SFMBT1: variants seen among roughly 807,000 people sequenced by gnomAD.
SFMBT1 encodes Scm like with four mbt domains 1.
In SFMBT1, 32 loss-of-function variants were observed where a neutral mutation model predicts 108.7. The observed-to-expected ratio is 0.29, with a 90% CI of 0.22 to 0.40. The LOEUF (loss-of-function observed/expected upper bound fraction) is 0.40, where lower values mean the gene tolerates loss of function less well. SFMBT1 is among the 10% of genes least tolerant of loss of function. The pLI is 1.00. For synonymous variants in SFMBT1, 348 were observed against 369.5 expected (o/e 0.94, Z 0.67); for missense variants, 816 against 1,059.6 (o/e 0.77, Z 3.19).
rs764001505 is a variant in SFMBT1, at chr3:52,907,718, T to C, written c.1922A>G (p.Lys641Arg). 6 of 1,610,248 alleles carry C rather than the reference T, an allele frequency of 3.7e-6. No homozygotes were observed. Among genetic ancestry groups the C allele is most frequent in the Non-Finnish European group, 3.4e-6 (4 of 1,179,078 alleles). ...CCTCCCAATTCTTTTATTTTTCTTC[T>C]TTCCGTAATAGTGTGCTAAATGTGG... ...TKTKYTHYYG[K>R]KKNKRIGRPP... is the part of the protein sequence containing the mutation. The change falls in exon 18 of 21, where the codon AAG becomes AGG. Residue 641 changes from lysine to arginine, a missense_variant. Transcript: ENST00000394752.
At chr3:52,964,552 C>T (rs1575406389) in intron 2 of SFMBT1, among the ~76,000 whole-genome samples, 1 of 152,196 alleles carries the variant, frequency 6.6e-6, no homozygotes, top group Non-Finnish European at 1.5e-5. Flanking sequence ...TATTTTCTAG[C>T]TATGTCTGTA....
chr3:53,024,521 G>A (rs1699419911), intron 1 of SFMBT1, among the ~76,000 whole-genome samples: 1 of 150,818 alleles, frequency 6.6e-6, no homozygotes, highest in African/African-American at 2.5e-5. Context: ...AGTAAATTCT[G>A]AGCAGAGTAA....
chr3:52,967,270 G>A (rs183212621), intron 2 of SFMBT1, among the ~76,000 whole-genome samples: 212 of 152,196 alleles, frequency 1.4e-3, no homozygotes, highest in Admixed American at 4.8e-3. Context: ...AGTGTATGCT[G>A]TGTCAAGAAC....
rs138570831 is a variant in SFMBT1 at position 52,918,547 on chromosome 3, A to G, written c.1373-21T>C. On this transcript the variant is annotated intron_variant, in intron 12 of 20. Coordinates refer to ENST00000394752, the MANE Select transcript of SFMBT1 (RefSeq NM_016329.4). ...ATATACTGTAGAAAGAAAAAAATAT[A>G]TAAATGCCAAGAAAAATAAAAAGAC... The G allele has an allele frequency of 5.9e-4, 861 of 1,465,652 alleles. 1 individual carries two copies. The African/African-American group carries it at 0.011, about 18-fold the overall frequency. 90.8% of individuals were successfully genotyped at this position (1,465,652 alleles called of 1,614,324 possible).
rs535725147 is a variant in SFMBT1, at chr3:52,979,926, T to C, written c.-130-10668A>G. 7.9e-5 allele frequency among the ~76,000 whole-genome samples: 12 copies of C among 152,304 alleles called. No individual in the cohort carries two copies. The East Asian group carries it at 1.4e-3, about 17-fold the overall frequency. On this transcript the variant is annotated intron_variant, in intron 1 of 20. Transcript: ENST00000394752. ...TTGAACAACATGGGCATTAACTACA[T>C]GGGTCCACTTACAGATTTTTAAAAA...
intron 1 of SFMBT1, among the ~76,000 whole-genome samples, chr3:53,029,388 G>A (rs1236669478): frequency 6.6e-6 from 1 of 152,116 alleles, no homozygotes; most frequent in Non-Finnish European, 1.5e-5. Context: ...GGGCTACAAA[G>A]GCATATACAA....
At chr3:53,019,489 G>C (rs1218385961) in intron 1 of SFMBT1, among the ~76,000 whole-genome samples, 2 of 151,834 alleles carry the variant, frequency 1.3e-5, no homozygotes, top group Non-Finnish European at 2.9e-5. Flanking sequence ...ATGTTACATG[G>C]GCAACCAAAA....
chr3:52,914,202 A>C (rs542113280), intron 14 of SFMBT1, among the ~76,000 whole-genome samples: 2 of 152,182 alleles, frequency 1.3e-5, no homozygotes, highest in East Asian at 3.9e-4. Flanking sequence ...TTCTTCAACT[A>C]TTTGTCTGTA....
At chr3:52,916,335 G>C in intron 13 of SFMBT1, 121 bp from the exon 14 acceptor site, 2 of 628,882 alleles carry the variant, frequency 3.2e-6, no homozygotes, top group African/African-American at 1.9e-5. Context: ...ATCTGTAACA[G>C]AAGGTACTCC....
chr3:52,974,431 G>A (rs1704446190), intron 1 of SFMBT1, among the ~76,000 whole-genome samples: 1 of 152,106 alleles, frequency 6.6e-6, no homozygotes, highest in African/African-American at 2.4e-5. Context: ...GTAGTTTTCT[G>A]TCAGCCTTTC....
At position 53,009,404 on chromosome 3, in the gene SFMBT1, C is replaced by T. The variant is rs151311349; in HGVS notation, c.-131+36412G>A. Among the ~76,000 whole-genome samples, 15 of 152,150 alleles carry T rather than the reference C, an allele frequency of 9.9e-5. 1 individual carries two copies. The East Asian group carries it at 1.5e-3, about 16-fold the overall frequency. ...CAGAGATTGCAGTGAGCCGAGATCA[C>T]GCCACTGCACTCCAGAGACTCCATC... On this transcript the variant is annotated intron_variant, in intron 1 of 20. Transcript: ENST00000394752.
At chr3:53,036,161 A>G (rs376042081) in intron 1 of SFMBT1, among the ~76,000 whole-genome samples, 1 of 152,216 alleles carries the variant, frequency 6.6e-6, no homozygotes. Context: ...GAGGAGCTCC[A>G]TTTATGCAGA....
intron 3 of SFMBT1, among the ~76,000 whole-genome samples, chr3:52,951,780 C>T (rs544525534): frequency 2.0e-5 from 3 of 152,266 alleles, no homozygotes; most frequent in African/African-American, 7.2e-5. Context: ...CTGCCCTGGG[C>T]GGGCCAGGTG....
chr3:53,025,597 CAG>C (rs746803369), intron 1 of SFMBT1, among the ~76,000 whole-genome samples: 2 of 151,946 alleles, frequency 1.3e-5, no homozygotes, highest in Non-Finnish European at 2.9e-5. Context: ...GCCTGGGTGA[CAG>C]AGTGAACCCC....
intron 1 of SFMBT1, among the ~76,000 whole-genome samples, chr3:53,006,623 C>A (rs553067234): frequency 1.5e-5 from 2 of 131,888 alleles, no homozygotes; most frequent in South Asian, 3.1e-4. Context: ...AGCAAAACTC[C>A]GTCTCAAAAA....
chr3:52,921,128 T>C (rs1405151286), intron 11 of SFMBT1, among the ~76,000 whole-genome samples: 1 of 152,202 alleles, frequency 6.6e-6, no homozygotes, highest in East Asian at 1.9e-4. Context: ...ACATTCGATA[T>C]TATCCTTGAC....
chr3:52,949,120 T>C (rs1299103203), intron 3 of SFMBT1, among the ~76,000 whole-genome samples: 1 of 152,196 alleles, frequency 6.6e-6, no homozygotes, highest in African/African-American at 2.4e-5. Context: ...ACTAGGGACT[T>C]TCCAGCTATC....
At chr3:53,022,110 G>A (rs1049114584) in intron 1 of SFMBT1, among the ~76,000 whole-genome samples, 3 of 152,204 alleles carry the variant, frequency 2.0e-5, no homozygotes, top group Non-Finnish European at 4.4e-5. Flanking sequence ...ACAAAGAACA[G>A]AAGAATCTAA....
At chr3:53,013,710 C>G (rs1484089956) in intron 1 of SFMBT1, among the ~76,000 whole-genome samples, 3 of 142,182 alleles carry the variant, frequency 2.1e-5, no homozygotes, top group African/African-American at 8.0e-5. Context: ...CTCACTGCAA[C>G]CTCCGCCTCC....
Sources: gnomAD v4.1 joint callset for allele counts (sites outside exome capture counted in the v4.1 genomes callset) on GRCh38, gnomAD v4.1.1 for gene constraint, MANE v1.5 for transcripts, NCBI Gene and HGNC (gene_info 2026-07-23, HGNC 2026-07-21) for gene names.